Variants in SPIDR observed in about 807,000 individuals in gnomAD.
SPIDR encodes DNA repair-scaffolding protein.
In SPIDR, 93 loss-of-function variants were observed where a neutral mutation model predicts 104.6. The ratio of observed to expected loss-of-function variants is 0.89; its 90% confidence interval spans 0.75 to 1.06. SPIDR has a LOEUF of 1.06. Among genes scored for constraint, SPIDR ranks in the 50% least tolerant of loss-of-function variants. The pLI, the probability that SPIDR is intolerant of heterozygous loss-of-function variation, is 0.00. For missense variants in SPIDR, 1,154 were observed against 1,111.2 expected, an observed-to-expected ratio of 1.04 and a Z score of -0.55; for synonymous variants, 431 against 416.9, an observed-to-expected ratio of 1.03 and a Z score of -0.41.
At position 47,440,506 on chromosome 8, in the gene SPIDR, G is replaced by C; in HGVS notation, c.1061G>C (p.Gly354Ala). ...AAGGAGACTGCAGGCTACCTCAGGG[G>C]CCGTCCCCAGGACACTGTCCGGATC... ...FTKETAGYLR[G>A]RPQDTVRIFP... Residue 354 changes from glycine to alanine, a missense_variant, in exon 8 of 20, where the codon GGC (glycine) becomes GCC (alanine). Transcript: ENST00000297423. 3 of 1,614,204 alleles carry C rather than the reference G, an allele frequency of 1.9e-6. No homozygotes were observed. The South Asian group carries it at 3.3e-5, about 18-fold the overall frequency.
At position 47,735,466 on chromosome 8, in the gene SPIDR, C is replaced by CTG; in HGVS notation, c.*19_*20dup. On this transcript the variant is annotated 3_prime_UTR_variant, in exon 20 of 20. Transcript: ENST00000297423. ...AGAACACTAGCGGTTGCCGCAGGAT[C>CTG]TGTGAACTTTGCAATGTGGCTGCAA... 6.2e-7 allele frequency: 1 copy of CTG among 1,614,060 alleles called. No individual in the cohort carries two copies. Among genetic ancestry groups the CTG allele is most frequent in the South Asian group, 1.1e-5 (1 of 91,080 alleles).
intron 8 of SPIDR, among the ~76,000 whole-genome samples, chr8:47,583,019 T>C (rs948130954): frequency 5.9e-5 from 9 of 152,184 alleles, no homozygotes; most frequent in Middle Eastern, 6.8e-3. Context: ...CTCTTCCACA[T>C]TTTAGCCTGT....
intron 7 of SPIDR, among the ~76,000 whole-genome samples, chr8:47,432,834 C>A (rs2067596043): frequency 6.6e-6 from 1 of 152,090 alleles, no homozygotes; most frequent in Non-Finnish European, 1.5e-5. Flanking sequence ...GGATTTAATC[C>A]AGTCAGGGTG....
chr8:47,463,858 C>G (rs1554715311), intron 8 of SPIDR, among the ~76,000 whole-genome samples: 1 of 152,174 alleles, frequency 6.6e-6, no homozygotes, highest in South Asian at 2.1e-4. Context: ...AAGATTACTT[C>G]CTCAGCCTAA....
Position 47,599,017 on chromosome 8 carries a change from C to A in SPIDR, c.1365C>A (p.Ile455=). Residue 455 remains isoleucine (I), a synonymous_variant, in exon 10 of 20, where the codon ATC becomes ATA. Coordinates refer to ENST00000297423, the MANE Select transcript of SPIDR (RefSeq NM_001080394.4). ...GGCACAAAGAAGCAAAACAGCGCATCCCAACCAGCACTCCCCTGAGGGATT... is the reference window on the plus strand; with the variant it reads ...GGCACAAAGAAGCAAAACAGCGCATACCAACCAGCACTCCCCTGAGGGATT... The part of the protein sequence containing the change: ...THGHKEAKQR[I]PTSTPLRDSL... 6.2e-7 allele frequency: 1 copy of A among 1,613,466 alleles called. No individual in the cohort carries two copies. Among genetic ancestry groups the A allele is most frequent in the South Asian group, 1.1e-5 (1 of 90,934 alleles).
intron 8 of SPIDR, among the ~76,000 whole-genome samples, chr8:47,513,328 GAA>G (rs1391207804): frequency 2.6e-5 from 4 of 152,162 alleles, no homozygotes; most frequent in African/African-American, 9.7e-5. Context: ...GACAGTAATT[GAA>G]AAGTTTGTGT....
intron 6 of SPIDR, among the ~76,000 whole-genome samples, chr8:47,402,123 T>C (rs2061984548): frequency 6.6e-6 from 1 of 152,172 alleles, no homozygotes; most frequent in Non-Finnish European, 1.5e-5. Flanking sequence ...ACAGAAATTA[T>C]AACAAAATGT....
chr8:47,357,357 C>T (rs2054758139), intron 5 of SPIDR, among the ~76,000 whole-genome samples: 1 of 152,178 alleles, frequency 6.6e-6, no homozygotes, highest in South Asian at 2.1e-4. Flanking sequence ...CCTGTCAGAA[C>T]TCGCTCTGCT....
chr8:47,386,484 G>A (rs1008747393), intron 5 of SPIDR, among the ~76,000 whole-genome samples: 1 of 152,178 alleles, frequency 6.6e-6, no homozygotes, highest in African/African-American at 2.4e-5. Flanking sequence ...GAAATCAGGT[G>A]TGTATGCCTG....
intron 11 of SPIDR, among the ~76,000 whole-genome samples, chr8:47,694,895 C>T (rs1163598178): frequency 1.3e-5 from 2 of 151,780 alleles, no homozygotes; most frequent in Non-Finnish European, 2.9e-5. Flanking sequence ...ATTAATTTAC[C>T]TAAAAGCATC....
At chr8:47,287,670 TG>T (rs1363184484) in intron 3 of SPIDR, among the ~76,000 whole-genome samples, 5 of 152,196 alleles carry the variant, frequency 3.3e-5, no homozygotes, top group African/African-American at 1.2e-4. Flanking sequence ...AAGAAAAATA[TG>T]GCTGTATTCT....
intron 5 of SPIDR, among the ~76,000 whole-genome samples, chr8:47,349,613 A>T (rs1375570468): frequency 6.6e-6 from 1 of 152,212 alleles, no homozygotes; most frequent in Non-Finnish European, 1.5e-5. Flanking sequence ...GTTGAGCTGC[A>T]GTGGGCTCCA....
At chr8:47,509,850 G>A (rs1312503461) in intron 8 of SPIDR, among the ~76,000 whole-genome samples, 1 of 151,950 alleles carries the variant, frequency 6.6e-6, no homozygotes, top group African/African-American at 2.4e-5. Context: ...CGTATAATAT[G>A]ATGCACTCAC....
At chr8:47,670,822 T>G (rs2075692498) in intron 10 of SPIDR, among the ~76,000 whole-genome samples, 2 of 152,222 alleles carry the variant, frequency 1.3e-5, no homozygotes, top group Admixed American at 1.3e-4. Flanking sequence ...TATTTTGGGT[T>G]GTTTGTATTT....
At chr8:47,504,405 CCTTT>C (rs1449289447) in intron 8 of SPIDR, among the ~76,000 whole-genome samples, 2 of 151,976 alleles carry the variant, frequency 1.3e-5, no homozygotes, top group Non-Finnish European at 2.9e-5. Flanking sequence ...TCACTGATAC[CCTTT>C]CTTCTAGTTG....
chr8:47,285,836 G>T lies in SPIDR; in HGVS notation c.256+1742G>T, dbSNP rs1255196018. Among the ~76,000 whole-genome samples, 7 of 152,224 alleles carry T rather than the reference G, an allele frequency of 4.6e-5. No individual in the cohort carries two copies. In the East Asian group the frequency reaches 1.4e-3, roughly 29 times the overall value. ...CAACATTTGAATTTTGGTGGGGGGGGACACAGTTCAGCTCATAACACCAGG... is the reference window on the plus strand; with the variant it reads ...CAACATTTGAATTTTGGTGGGGGGGTACACAGTTCAGCTCATAACACCAGG... On this transcript the variant is annotated intron_variant, in intron 3 of 19. Coordinates refer to ENST00000297423, the MANE Select transcript of SPIDR (RefSeq NM_001080394.4).
intron 14 of SPIDR, among the ~76,000 whole-genome samples, chr8:47,710,498 C>T (rs1240885242): frequency 6.8e-6 from 1 of 146,438 alleles, no homozygotes; most frequent in South Asian, 2.1e-4. Flanking sequence ...GACGGAGTTT[C>T]GCTCTTGTTG....
At chr8:47,438,551 C>G (rs185444624) in intron 7 of SPIDR, among the ~76,000 whole-genome samples, 2 of 152,148 alleles carry the variant, frequency 1.3e-5, no homozygotes. Context: ...CCTGTTGTGG[C>G]GAAGCATCTG....
At chr8:47,375,827 T>G (rs1299058964) in intron 5 of SPIDR, among the ~76,000 whole-genome samples, 2 of 152,170 alleles carry the variant, frequency 1.3e-5, no homozygotes, top group African/African-American at 2.4e-5. Context: ...AAGAAAGGAA[T>G]TTGAATACAT....
Sources: gnomAD v4.1 joint callset for allele counts (sites outside exome capture counted in the v4.1 genomes callset) on GRCh38, gnomAD v4.1.1 for gene constraint, MANE v1.5 for transcripts, NCBI Gene and HGNC (gene_info 2026-07-23, HGNC 2026-07-21) for gene names.